NUMB: variants seen among roughly 807,000 people sequenced by gnomAD.
NUMB encodes protein numb homolog.
In NUMB, 29 loss-of-function variants were observed where a neutral mutation model predicts 59.7. The ratio of observed to expected loss-of-function variants is 0.49; its 90% CI spans 0.36 to 0.66. The LOEUF is 0.66. Ranked by LOEUF, NUMB falls within the 30% of genes least tolerant of loss-of-function variation. The pLI is 0.00. For synonymous variants in NUMB, 288 were observed against 288.2 expected (o/e 1.00, Z 0.01); for missense variants, 723 against 822.0 (o/e 0.88, Z 1.47).
At chr14:73,282,107 T>C in intron 11 of NUMB, 1 of 409,430 alleles carries the variant, frequency 2.4e-6, no homozygotes, top group East Asian at 4.1e-5. Flanking sequence ...AGGTTGGGAC[T>C]ACAGAAATTC....
intron 1 of NUMB, among the ~76,000 whole-genome samples, chr14:73,434,943 C>G (rs1897988601): frequency 6.6e-6 from 1 of 152,134 alleles, no homozygotes; most frequent in Non-Finnish European, 1.5e-5. Flanking sequence ...CATCTCTGCT[C>G]TTACAAATGA....
At chr14:73,357,267 G>A (rs1230122861) in intron 3 of NUMB, among the ~76,000 whole-genome samples, 1 of 151,488 alleles carries the variant, frequency 6.6e-6, no homozygotes, top group Non-Finnish European at 1.5e-5. Context: ...GCCAGGCATG[G>A]TGGCATGCAC....
chr14:73,313,545 T>C (rs1371067559), intron 6 of NUMB, among the ~76,000 whole-genome samples: 1 of 150,158 alleles, frequency 6.7e-6, no homozygotes, highest in Admixed American at 6.6e-5. Flanking sequence ...TTTAAAGTAT[T>C]GTATAAAATT....
At chr14:73,350,490 T>C (rs1231704533) in intron 4 of NUMB, among the ~76,000 whole-genome samples, 1 of 151,910 alleles carries the variant, frequency 6.6e-6, no homozygotes, top group Non-Finnish European at 1.5e-5. Context: ...TTTTTAATAC[T>C]ACTCTTTTTC....
intron 5 of NUMB, among the ~76,000 whole-genome samples, chr14:73,319,190 G>C (rs966478034): frequency 1.3e-5 from 2 of 152,202 alleles, no homozygotes; most frequent in African/African-American, 4.8e-5. Context: ...GTGAACCCGG[G>C]AGGCGGAGGT....
chr14:73,356,643 A>T (rs1893799181), intron 3 of NUMB, among the ~76,000 whole-genome samples: 1 of 152,190 alleles, frequency 6.6e-6, no homozygotes, highest in Non-Finnish European at 1.5e-5. Context: ...AAAATAAGTA[A>T]ATAAATAAGC....
In NUMB at chr14:73,279,548, T is replaced by C. The variant is rs558317477; in HGVS notation, c.1097-124A>G. ...GGAATGGATAAGAGAGAAGAGTTGA[T>C]GTTTGGGAAAACCATGATATCTTGC... On this transcript the variant is annotated intron_variant, in intron 11 of 12. Transcript: ENST00000555238. The C allele has an allele frequency of 4.4e-5, 39 of 884,474 alleles. 1 individual carries two copies. In the South Asian group the frequency reaches 8.5e-4, roughly 19 times the overall value. The allele number at this position is 884,474 out of a possible 1,614,324, so 54.8% of individuals were successfully genotyped here.
chr14:73,430,860 G>A (rs1897796370), intron 1 of NUMB, among the ~76,000 whole-genome samples: 1 of 151,826 alleles, frequency 6.6e-6, no homozygotes, highest in East Asian at 2.0e-4. Flanking sequence ...CAGGAGAATG[G>A]TGTGAACCAG....
In NUMB at chr14:73,276,816, C is replaced by G. The variant is rs760953719; in HGVS notation, c.1718G>C (p.Ser573Thr). The part of the protein sequence containing the change: ...PHYEASSATT[S>T]PFFKPPAQHL... ...CTGAGCAGGAGGCTTAAAGAAGGGA[C>G]TGGTGGTAGCACTGCTTGCCTCGTA... is the stretch of plus-strand genomic sequence containing the variant. The change falls in exon 13 of 13, where the codon AGT becomes ACT. Residue 573 changes from serine (S) to threonine (T), a missense_variant. This residue lies in a region of NUMB where 406 missense variants were observed against 385.4 expected (regional missense o/e 1.05). Coordinates refer to ENST00000555238, the MANE Select transcript of NUMB (RefSeq NM_001005743.2). 6.2e-7 allele frequency: 1 copy of G among 1,614,154 alleles called. No individual in the cohort carries two copies. Among genetic ancestry groups the G allele is most frequent in the Non-Finnish European group, 8.5e-7 (1 of 1,180,028 alleles).
intron 10 of NUMB, 42 bp downstream of exon 10, chr14:73,284,039 C>T (rs1210021388): frequency 6.4e-7 from 1 of 1,568,098 alleles, no homozygotes; most frequent in Non-Finnish European, 8.8e-7. Flanking sequence ...GAGAATGCTT[C>T]AGTGCTCGAG....
At chr14:73,391,791 T>C (rs1415764539) in intron 2 of NUMB, among the ~76,000 whole-genome samples, 2 of 152,208 alleles carry the variant, frequency 1.3e-5, no homozygotes, top group Non-Finnish European at 2.9e-5. Context: ...GGAGGAGTTG[T>C]AGTTTTCTGG....
intron 2 of NUMB, among the ~76,000 whole-genome samples, chr14:73,379,264 C>T (rs1434090409): frequency 6.6e-6 from 1 of 152,082 alleles, no homozygotes. Context: ...GTAAGTGTTG[C>T]TTTTTAATTT....
At chr14:73,306,486 G>A (rs1300340184) in intron 6 of NUMB, among the ~76,000 whole-genome samples, 1 of 152,092 alleles carries the variant, frequency 6.6e-6, no homozygotes. Flanking sequence ...ACGAAATCTG[G>A]GTCTCATCTT....
intron 6 of NUMB, among the ~76,000 whole-genome samples, chr14:73,304,762 T>G (rs1890328615): frequency 6.6e-6 from 1 of 152,068 alleles, no homozygotes; most frequent in Non-Finnish European, 1.5e-5. Flanking sequence ...GGAATGAGTT[T>G]TGTTTTGTTT....
rs781743147 is a variant in NUMB at position 73,279,371 on chromosome 14, G to C, written c.1150C>G (p.Leu384Val). 3.1e-6 allele frequency: 5 copies of C among 1,611,424 alleles called. No homozygotes were observed. In the African/African-American group the frequency reaches 5.3e-5, roughly 17 times the overall value. ...HVLAKPAHTA[L>V]APVAMPVRET... Reference sequence around the variant, plus strand: ...CGCACAGGCATTGCTACGGGTGCTAGAGCAGTATGGGCTGGCTTAGCAAGC... The same window carrying C: ...CGCACAGGCATTGCTACGGGTGCTACAGCAGTATGGGCTGGCTTAGCAAGC... Residue 384 changes from leucine to valine, a missense_variant, in exon 12 of 13, where the codon CTA becomes GTA. Coordinates refer to ENST00000555238, the MANE Select transcript of NUMB (RefSeq NM_001005743.2).
chr14:73,417,216 T>C (rs1342272665), intron 1 of NUMB, among the ~76,000 whole-genome samples: 1 of 152,110 alleles, frequency 6.6e-6, no homozygotes, highest in Non-Finnish European at 1.5e-5. Flanking sequence ...CCTTCCTGGA[T>C]GCCAGACAAG....
chr14:73,380,400 A>C (rs979766186), intron 2 of NUMB, among the ~76,000 whole-genome samples: 1 of 152,166 alleles, frequency 6.6e-6, no homozygotes, highest in African/African-American at 2.4e-5. Context: ...ACAAATCAAA[A>C]GTTTGTTAGC....
At chr14:73,386,864 CTTAT>C (rs1406639624) in intron 2 of NUMB, among the ~76,000 whole-genome samples, 1,626 of 73,686 alleles carry the variant, frequency 0.022, 156 homozygotes, top group African/African-American at 0.084. Context: ...TATCAGGTGT[CTTAT>C]TTTTTTTTTT....
chr14:73,299,968 T>C (rs532157684), intron 6 of NUMB, among the ~76,000 whole-genome samples: 3 of 152,290 alleles, frequency 2.0e-5, no homozygotes, highest in Non-Finnish European at 4.4e-5. Flanking sequence ...CGTAAAATAT[T>C]TGTAGTTTGT....
Sources: gnomAD v4.1 joint callset for allele counts (sites outside exome capture counted in the v4.1 genomes callset) on GRCh38, gnomAD v4.1.1 for gene constraint, gnomAD v4.1.1 regional missense constraint, MANE v1.5 for transcripts, NCBI Gene and HGNC (gene_info 2026-07-23, HGNC 2026-07-21) for gene names.